Variants in ITGBL1 observed in about 807,000 individuals in gnomAD.
The protein encoded by ITGBL1 is integrin beta-like protein 1.
Under a neutral mutation model 68.5 loss-of-function variants are expected in ITGBL1, and 51 were observed. That is an observed-to-expected ratio of 0.74 (90% confidence interval 0.59 to 0.94). The LOEUF (loss-of-function observed/expected upper bound fraction) is 0.94. Ranked by LOEUF, ITGBL1 falls within the 40% of genes least tolerant of loss-of-function variation. The pLI, the probability that ITGBL1 is intolerant of heterozygous loss-of-function variation, is 0.00. For missense variants in ITGBL1, 649 were observed against 647.4 expected, an observed-to-expected ratio of 1.00 and a Z score of -0.03; for synonymous variants, 209 against 227.3, an observed-to-expected ratio of 0.92 and a Z score of 0.72.
At chr13:101,605,973 C>A (rs7996786) in intron 7 of ITGBL1, among the ~76,000 whole-genome samples, 2 of 143,498 alleles carry the variant, frequency 1.4e-5, no homozygotes, top group African/African-American at 5.1e-5. Flanking sequence ...CATATATATG[C>A]ATATATGTGT....
intron 7 of ITGBL1, among the ~76,000 whole-genome samples, chr13:101,620,546 T>G (rs1161392800): frequency 3.3e-5 from 5 of 152,262 alleles, no homozygotes; most frequent in African/African-American, 1.2e-4. Context: ...TACAGCAGTA[T>G]TTCTAGAAGG....
intron 2 of ITGBL1, among the ~76,000 whole-genome samples, chr13:101,538,761 G>A (rs1337848312): frequency 6.6e-6 from 1 of 152,062 alleles, no homozygotes; most frequent in Non-Finnish European, 1.5e-5. Context: ...GCATGTAAGG[G>A]AAAATTACAT....
At chr13:101,620,343 T>C (rs2031535223) in intron 7 of ITGBL1, among the ~76,000 whole-genome samples, 1 of 152,192 alleles carries the variant, frequency 6.6e-6, no homozygotes, top group Non-Finnish European at 1.5e-5. Context: ...TACATTTTTA[T>C]ATCAGACAGA....
intron 6 of ITGBL1, among the ~76,000 whole-genome samples, chr13:101,594,693 G>A (rs2050713421): frequency 6.6e-6 from 1 of 152,138 alleles, no homozygotes; most frequent in African/African-American, 2.4e-5. Flanking sequence ...CCAATAAGGG[G>A]TTAATATTCA....
chr13:101,579,604 G>A (rs1397020299), intron 5 of ITGBL1, among the ~76,000 whole-genome samples, 177 bp downstream of exon 5: 1 of 152,084 alleles, frequency 6.6e-6, no homozygotes, highest in Non-Finnish European at 1.5e-5. Context: ...TTTTTATTGA[G>A]TAGAAAAGAG....
At chr13:101,691,837 T>A (rs544510283) in intron 7 of ITGBL1, among the ~76,000 whole-genome samples, 1 of 152,160 alleles carries the variant, frequency 6.6e-6, no homozygotes, top group African/African-American at 2.4e-5. Flanking sequence ...AGTAAAATGA[T>A]TGTAATGATT....
intron 2 of ITGBL1, among the ~76,000 whole-genome samples, chr13:101,485,684 T>G (rs1234715071): frequency 6.6e-6 from 1 of 151,944 alleles, no homozygotes; most frequent in Non-Finnish European, 1.5e-5. Flanking sequence ...CCCAGCTGCT[T>G]GGGAGGCTGA....
chr13:101,684,393 A>G (rs1383999188), intron 7 of ITGBL1, among the ~76,000 whole-genome samples: 1 of 151,904 alleles, frequency 6.6e-6, no homozygotes, highest in East Asian at 1.9e-4. Flanking sequence ...AAAAATCCTG[A>G]TAAGATTTTG....
intron 7 of ITGBL1, among the ~76,000 whole-genome samples, chr13:101,689,239 A>G (rs887648647): frequency 1.3e-5 from 2 of 149,236 alleles, no homozygotes; most frequent in African/African-American, 4.9e-5. Flanking sequence ...AAAAATTATG[A>G]GGACACATAA....
At chr13:101,597,389 C>A (rs1477576367) in intron 6 of ITGBL1, among the ~76,000 whole-genome samples, 10 of 134,208 alleles carry the variant, frequency 7.5e-5, no homozygotes, top group African/African-American at 2.6e-4. Flanking sequence ...GAGAAAGGAG[C>A]GTTTATATAT....
intron 2 of ITGBL1, among the ~76,000 whole-genome samples, chr13:101,520,246 T>G (rs1379421093): frequency 6.6e-6 from 1 of 152,172 alleles, no homozygotes; most frequent in Non-Finnish European, 1.5e-5. Context: ...TCTTCATAAC[T>G]TTTTGACACA....
In ITGBL1 at chr13:101,493,061, A is replaced by G. The variant is rs145490338; in HGVS notation, c.316+38961A>G. Among the ~76,000 whole-genome samples the G allele has an allele frequency of 9.6e-3, 1,465 of 152,100 alleles. 17 individuals are homozygous for G. Among genetic ancestry groups the G allele is most frequent in the Non-Finnish European group, 0.015 (1,022 of 67,974 alleles). On this transcript the variant is annotated intron_variant, in intron 2 of 10. Coordinates refer to ENST00000376180, the MANE Select transcript of ITGBL1 (RefSeq NM_004791.3). Reference sequence around the variant, plus strand: ...ATTGTGTAGATAAATCCATGGGTTAATGGGTGGAAGGGGAGGTAGAAATTA... The same window carrying G: ...ATTGTGTAGATAAATCCATGGGTTAGTGGGTGGAAGGGGAGGTAGAAATTA...
chr13:101,504,702 T>C (rs927827898), intron 2 of ITGBL1, among the ~76,000 whole-genome samples: 6 of 152,194 alleles, frequency 3.9e-5, no homozygotes, highest in Non-Finnish European at 8.8e-5. Context: ...TTTATACCTA[T>C]TCTGTGGAAA....
rs1594840517 is a variant in ITGBL1 at position 101,487,122 on chromosome 13, A to G, written c.316+33022A>G. On this transcript the variant is annotated intron_variant, in intron 2 of 10. Transcript: ENST00000376180. The stretch of plus-strand genomic sequence containing the variant: ...ATTTGTTACTATATCTTTGTTAGGT[A>G]TAAATGTTCAGGCTTCACCTATTAC... 2.6e-5 allele frequency among the ~76,000 whole-genome samples: 4 copies of G among 152,326 alleles called. No homozygotes were observed. The South Asian group carries it at 8.3e-4, about 32-fold the overall frequency.
At chr13:101,474,003 C>T (rs1032049332) in intron 2 of ITGBL1, among the ~76,000 whole-genome samples, 2 of 152,124 alleles carry the variant, frequency 1.3e-5, no homozygotes, top group Admixed American at 1.3e-4. Flanking sequence ...AGGTGTGATC[C>T]AACATATTTC....
chr13:101,491,857 A>T (rs1232451173), intron 2 of ITGBL1, among the ~76,000 whole-genome samples: 1 of 152,032 alleles, frequency 6.6e-6, no homozygotes, highest in Non-Finnish European at 1.5e-5. Context: ...ACTCCCACTT[A>T]TGAGTGAGAA....
intron 2 of ITGBL1, among the ~76,000 whole-genome samples, chr13:101,482,085 A>G (rs1382718637): frequency 6.6e-6 from 1 of 152,208 alleles, no homozygotes; most frequent in Non-Finnish European, 1.5e-5. Context: ...CCAGTTTATT[A>G]CGTAATGAGC....
At chr13:101,646,278 CCA>C (rs2032556184) in intron 7 of ITGBL1, among the ~76,000 whole-genome samples, 1 of 151,896 alleles carries the variant, frequency 6.6e-6, no homozygotes, top group South Asian at 2.1e-4. Context: ...CTTTTGAGAG[CCA>C]CCAGGTGTAA....
intron 3 of ITGBL1, among the ~76,000 whole-genome samples, chr13:101,573,737 C>T (rs753711869): frequency 5.3e-5 from 8 of 152,100 alleles, no homozygotes; most frequent in Non-Finnish European, 1.0e-4. Flanking sequence ...GATTAAAACT[C>T]GGAATTCAGC....
Sources: allele counts gnomAD v4.1 joint callset (sites outside exome capture counted in the v4.1 genomes callset), GRCh38; gene constraint gnomAD v4.1.1; transcripts MANE v1.5; gene names NCBI Gene and HGNC (gene_info 2026-07-23, HGNC 2026-07-21).